The following PACS1 variants were observed in gnomAD, a reference collection of about 807,000 sequenced individuals.
The protein encoded by PACS1 is PACS-1.
In PACS1, 24 loss-of-function variants were observed where a neutral mutation model predicts 115.0. That is an observed-to-expected ratio of 0.21 (90% CI 0.15 to 0.29). The LOEUF (loss-of-function observed/expected upper bound fraction) is 0.29. Among genes scored for constraint, PACS1 ranks in the 10% least tolerant of loss-of-function variants. The pLI, the probability that PACS1 is intolerant of heterozygous loss-of-function variation, is 1.00. For synonymous variants in PACS1, 453 were observed against 504.5 expected (o/e 0.90, Z 1.37); for missense variants, 838 against 1,251.2 (o/e 0.67, Z 4.98).
chr11:66,154,277 A>G (rs2134613821), intron 1 of PACS1, among the ~76,000 whole-genome samples: 1 of 152,244 alleles, frequency 6.6e-6, no homozygotes, highest in South Asian at 2.1e-4. Flanking sequence ...TCTCTGCAAA[A>G]AAGTTTTAAA....
At chr11:66,201,244 T>C (rs1408475439) in intron 2 of PACS1, among the ~76,000 whole-genome samples, 1 of 151,508 alleles carries the variant, frequency 6.6e-6, no homozygotes, top group Admixed American at 6.6e-5. Flanking sequence ...TGAAATAATA[T>C]CAGGCATCTT....
intron 21 of PACS1, among the ~76,000 whole-genome samples, chr11:66,239,927 C>T (rs1238352722): frequency 1.3e-5 from 2 of 151,750 alleles, no homozygotes; most frequent in Non-Finnish European, 2.9e-5. Context: ...AGGCCAAGGC[C>T]GGAGGATCGC....
At position 66,089,874 on chromosome 11, in the gene PACS1, C is replaced by T. The variant is rs892107535; in HGVS notation, c.356+19032C>T. Among the ~76,000 whole-genome samples the T allele has an allele frequency of 7.2e-5, 11 of 151,924 alleles. No individual in the cohort carries two copies. In the South Asian group the frequency reaches 1.7e-3, roughly 23 times the overall value. The stretch of plus-strand genomic sequence containing the variant: ...ACAAAAAATTAGCTGGGTGTGGTGG[C>T]GGGCACCTGTAGTCCCAGCTACTCG... On this transcript the variant is annotated intron_variant, in intron 1 of 23. Transcript: ENST00000320580.
chr11:66,210,814 C>T (rs1366270615), intron 3 of PACS1, among the ~76,000 whole-genome samples: 2 of 152,228 alleles, frequency 1.3e-5, no homozygotes, highest in Non-Finnish European at 2.9e-5. Flanking sequence ...TACTCCGTAT[C>T]CCTCCTAGTC....
chr11:66,228,316 G>A (rs2134730784), intron 11 of PACS1, among the ~76,000 whole-genome samples: 1 of 152,190 alleles, frequency 6.6e-6, no homozygotes, highest in African/African-American at 2.4e-5. Flanking sequence ...CCTCACGGTG[G>A]GACCTGCTGG....
intron 2 of PACS1, among the ~76,000 whole-genome samples, chr11:66,196,542 T>C (rs1464314068): frequency 2.0e-5 from 3 of 152,190 alleles, no homozygotes; most frequent in African/African-American, 7.2e-5. Context: ...TTCCTTAAAA[T>C]TGAACAGAGT....
At chr11:66,213,875 T>C (rs1472235071) in intron 4 of PACS1, among the ~76,000 whole-genome samples, 1 of 151,526 alleles carries the variant, frequency 6.6e-6, no homozygotes, top group Non-Finnish European at 1.5e-5. Flanking sequence ...CTACTAAAAA[T>C]ACAAAAAATT....
intron 1 of PACS1, among the ~76,000 whole-genome samples, chr11:66,086,263 C>G (rs1857566839): frequency 6.6e-6 from 1 of 151,716 alleles, no homozygotes; most frequent in Non-Finnish European, 1.5e-5. Context: ...CTCAGCCTCC[C>G]GAGTAGCTGG....
chr11:66,230,797 C>G lies in PACS1; in HGVS notation c.1491-8C>G. 6.2e-7 allele frequency: 1 copy of G among 1,614,114 alleles called. No individual in the cohort carries two copies. Among genetic ancestry groups the G allele is most frequent in the Non-Finnish European group, 8.5e-7 (1 of 1,179,958 alleles). On this transcript the variant is annotated splice_region_variant and splice_polypyrimidine_tract_variant and intron_variant, in intron 12 of 23. Coordinates refer to ENST00000320580, the MANE Select transcript of PACS1 (RefSeq NM_018026.4). ...TATTTCACCAGCCTTTTTCCACCTC[C>G]CTGGCAGCAAAGTGGAGGGGGTGCA...
At chr11:66,101,822 T>A (rs1305883619) in intron 1 of PACS1, among the ~76,000 whole-genome samples, 5 of 152,150 alleles carry the variant, frequency 3.3e-5, no homozygotes, top group African/African-American at 1.2e-4. Context: ...AGACGGTTAC[T>A]GGGGGGAGAG....
intron 2 of PACS1, among the ~76,000 whole-genome samples, chr11:66,197,012 A>G (rs1854666750): frequency 1.3e-5 from 2 of 152,360 alleles, no homozygotes; most frequent in Non-Finnish European, 2.9e-5. Flanking sequence ...AAGTGATATT[A>G]AACATTTTTA....
At chr11:66,187,374 G>A (rs1027067102) in intron 1 of PACS1, among the ~76,000 whole-genome samples, 2 of 152,104 alleles carry the variant, frequency 1.3e-5, no homozygotes, top group Non-Finnish European at 2.9e-5. Flanking sequence ...ATTATTAACT[G>A]TAGTCATCTT....
chr11:66,138,579 C>T (rs1858900971), intron 1 of PACS1, among the ~76,000 whole-genome samples: 1 of 152,108 alleles, frequency 6.6e-6, no homozygotes, highest in African/African-American at 2.4e-5. Flanking sequence ...CCCTTGCTTG[C>T]CTCACCCTAA....
intron 1 of PACS1, among the ~76,000 whole-genome samples, chr11:66,121,979 A>G (rs1235231053): frequency 6.6e-6 from 1 of 152,252 alleles, no homozygotes; most frequent in Admixed American, 6.5e-5. Flanking sequence ...TGGAGATGAA[A>G]GAGTGTTCTG....
At chr11:66,220,566 C>A in intron 8 of PACS1, 65 bp from the exon 9 acceptor site, 1 of 1,530,332 alleles carries the variant, frequency 6.5e-7, no homozygotes, top group Non-Finnish European at 9.0e-7. Flanking sequence ...GAGAAAGGAG[C>A]TGCTCATCAA....
chr11:66,181,220 TA>T (rs201368010), intron 1 of PACS1, among the ~76,000 whole-genome samples: 4 of 151,638 alleles, frequency 2.6e-5, no homozygotes, highest in African/African-American at 9.7e-5. Context: ...TTTTATTTTT[TA>T]TTTTTTTTGA....
intron 12 of PACS1, 44 bp from the exon 13 acceptor site, chr11:66,230,761 G>A (rs1855574496): frequency 1.2e-6 from 2 of 1,613,720 alleles, no homozygotes; most frequent in African/African-American, 1.3e-5. Context: ...CAGCTTTGGG[G>A]TTGGAGGGGC....
intron 1 of PACS1, among the ~76,000 whole-genome samples, chr11:66,078,329 G>A (rs868125345): frequency 6.6e-6 from 1 of 152,128 alleles, no homozygotes; most frequent in Non-Finnish European, 1.5e-5. Flanking sequence ...AAGGAGTGAC[G>A]CCTTAAATTT....
rs1439666234 is a variant in PACS1 at position 66,113,903 on chromosome 11, TA to T, written c.356+43064del. 3.3e-5 allele frequency among the ~76,000 whole-genome samples: 5 copies of T among 152,168 alleles called. No homozygotes were observed. In the East Asian group the frequency reaches 9.6e-4, roughly 29 times the overall value. On this transcript the variant is annotated intron_variant, in intron 1 of 23. Transcript: ENST00000320580. ...CAAGTGATATATGACCACAGCCTCATAAAGTACTCAAGCAAACACATAGGGT... is the reference window on the plus strand; with the variant it reads ...CAAGTGATATATGACCACAGCCTCATAAGTACTCAAGCAAACACATAGGGT...
Sources: gnomAD v4.1 joint callset for allele counts (sites outside exome capture counted in the v4.1 genomes callset) on GRCh38, gnomAD v4.1.1 for gene constraint, MANE v1.5 for transcripts, NCBI Gene and HGNC (gene_info 2026-07-23, HGNC 2026-07-21) for gene names.